Variants in IGF2BP3 observed in about 807,000 individuals in gnomAD.
IGF2BP3 encodes the protein insulin-like growth factor 2 mRNA-binding protein 3.
In IGF2BP3, 9 loss-of-function variants were observed where a neutral mutation model predicts 73.8. The ratio of observed to expected loss-of-function variants is 0.12; its 90% CI spans 0.07 to 0.21. The LOEUF (loss-of-function observed/expected upper bound fraction) is 0.21, where lower values mean the gene tolerates loss of function less well. IGF2BP3 is among the 10% of genes least tolerant of loss of function. IGF2BP3 has a pLI of 1.00. For synonymous variants in IGF2BP3, 258 were observed against 256.7 expected, an observed-to-expected ratio of 1.01 and a Z score of -0.05; for missense variants, 542 against 714.0, an observed-to-expected ratio of 0.76 and a Z score of 2.75.
intron 2 of IGF2BP3, among the ~76,000 whole-genome samples, chr7:23,451,182 C>G (rs1488628947): frequency 1.3e-5 from 2 of 152,162 alleles, no homozygotes; most frequent in Non-Finnish European, 2.9e-5. Context: ...CTTTGGGAGG[C>G]TGAGGTGGGC....
At chr7:23,364,581 T>TGGGG (rs1287578874) in intron 3 of IGF2BP3, among the ~76,000 whole-genome samples, 34 of 81,410 alleles carry the variant, frequency 4.2e-4, no homozygotes, top group African/African-American at 1.6e-3. Flanking sequence ...AGCGGGAGGT[T>TGGGG]GGGGGGTGGG....
intron 3 of IGF2BP3, among the ~76,000 whole-genome samples, chr7:23,388,909 C>G (rs1342707840): frequency 6.6e-6 from 1 of 152,024 alleles, no homozygotes; most frequent in Non-Finnish European, 1.5e-5. Flanking sequence ...AACAGGTAAA[C>G]AAGTAAATAG....
chr7:23,393,953 T>A lies in IGF2BP3; in HGVS notation c.285+24823A>T, dbSNP rs149764396. On this transcript the variant is annotated intron_variant, in intron 3 of 14. Coordinates refer to ENST00000258729, the MANE Select transcript of IGF2BP3 (RefSeq NM_006547.3). ...ATACTTAAGAGGCCAGTCGAGTTAT[T>A]AGGAGGGTACACAAATCCATAATGC... is the stretch of plus-strand genomic sequence containing the variant. 1.8e-3 allele frequency among the ~76,000 whole-genome samples: 281 copies of A among 152,236 alleles called. 3 individuals carry two copies. The highest frequency in any genetic ancestry group is 6.5e-3 in the African/African-American group (268 of 41,530).
chr7:23,366,572 A>C (rs7784146), intron 3 of IGF2BP3, among the ~76,000 whole-genome samples: 8,458 of 151,254 alleles, frequency 0.056, 785 homozygotes, highest in African/African-American at 0.19. Context: ...AAAAAAAAAA[A>C]CCACAAGCAA....
At chr7:23,329,211 T>TG (rs1784382407) in intron 10 of IGF2BP3, among the ~76,000 whole-genome samples, 1 of 146,298 alleles carries the variant, frequency 6.8e-6, no homozygotes, top group Non-Finnish European at 1.5e-5. Flanking sequence ...AGACTCCGTC[T>TG]CAAAAAAAAA....
At chr7:23,447,902 G>A (rs1362964470) in intron 2 of IGF2BP3, among the ~76,000 whole-genome samples, 1 of 152,126 alleles carries the variant, frequency 6.6e-6, no homozygotes, top group Non-Finnish European at 1.5e-5. Flanking sequence ...GATCCCTTGA[G>A]TCCAGGAGTT....
At chr7:23,357,590 AG>A (rs1785126871) in intron 5 of IGF2BP3, among the ~76,000 whole-genome samples, 1 of 152,218 alleles carries the variant, frequency 6.6e-6, no homozygotes, top group Non-Finnish European at 1.5e-5. Context: ...TCTCTGGAAG[AG>A]GGAAGGAAAT....
chr7:23,462,044 T>C (rs1308870903), intron 2 of IGF2BP3, among the ~76,000 whole-genome samples: 3 of 152,182 alleles, frequency 2.0e-5, no homozygotes, highest in African/African-American at 7.2e-5. Context: ...CAATAAGGTA[T>C]CATTTGGAGA....
intron 3 of IGF2BP3, among the ~76,000 whole-genome samples, chr7:23,365,020 G>A (rs1258777577): frequency 6.6e-6 from 1 of 152,086 alleles, no homozygotes; most frequent in African/African-American, 2.4e-5. Context: ...ACAAACATTA[G>A]CCTGCAGTGG....
At chr7:23,467,070 C>G (rs957735929) in intron 2 of IGF2BP3, among the ~76,000 whole-genome samples, 1 of 152,092 alleles carries the variant, frequency 6.6e-6, no homozygotes, top group Non-Finnish European at 1.5e-5. Context: ...TCTTGTTAAA[C>G]CAAGCTCAAT....
chr7:23,315,380 T>C (rs528977931), intron 12 of IGF2BP3, among the ~76,000 whole-genome samples: 50 of 152,306 alleles, frequency 3.3e-4, no homozygotes, highest in African/African-American at 1.1e-3. Flanking sequence ...AGTGCTGGGA[T>C]AGCAAGCGTG....
In IGF2BP3 at chr7:23,458,108, G is replaced by T. The variant is rs76424078; in HGVS notation, c.236+10374C>A. ...ATTGGAATGACTACTGGGTGACGTT[G>T]TATTCATCCTTTACACACATTGTCC... On this transcript the variant is annotated intron_variant, in intron 2 of 14. Transcript: ENST00000258729. Among the ~76,000 whole-genome samples the T allele has an allele frequency of 3.3e-5, 5 of 152,252 alleles. No individual in the cohort carries two copies. In the East Asian group the frequency reaches 9.6e-4, roughly 29 times the overall value.
At chr7:23,403,699 T>C (rs969081250) in intron 3 of IGF2BP3, among the ~76,000 whole-genome samples, 1 of 152,220 alleles carries the variant, frequency 6.6e-6, no homozygotes, top group African/African-American at 2.4e-5. Flanking sequence ...ATTCAGCCAA[T>C]GGTAGCTGCA....
chr7:23,373,026 T>C (rs1027722218), intron 3 of IGF2BP3, among the ~76,000 whole-genome samples: 8 of 152,162 alleles, frequency 5.3e-5, no homozygotes, highest in Admixed American at 6.5e-5. Context: ...CATTTCCCTA[T>C]GCAATTTAAA....
At chr7:23,388,206 G>A (rs1270231072) in intron 3 of IGF2BP3, among the ~76,000 whole-genome samples, 4 of 152,088 alleles carry the variant, frequency 2.6e-5, no homozygotes, top group Non-Finnish European at 5.9e-5. Context: ...CAACGTGCTG[G>A]GATTACAGGC....
chr7:23,463,039 C>A (rs1788486539), intron 2 of IGF2BP3, among the ~76,000 whole-genome samples: 1 of 152,162 alleles, frequency 6.6e-6, no homozygotes, highest in African/African-American at 2.4e-5. Context: ...CACCTCCTGT[C>A]TTATGACTCT....
rs771595771 is a variant in IGF2BP3, at chr7:23,361,684, A to G, written c.337+6T>C. On this transcript the variant is annotated splice_donor_region_variant and intron_variant, in intron 4 of 14. Coordinates refer to ENST00000258729, the MANE Select transcript of IGF2BP3 (RefSeq NM_006547.3). ...CAAATTTGAAAGCAATTCAGAAGACATGTACCTTGCTCACAGCTCTCCACC... is the reference window on the plus strand; with the variant it reads ...CAAATTTGAAAGCAATTCAGAAGACGTGTACCTTGCTCACAGCTCTCCACC... The G allele has an allele frequency of 6.2e-7, 1 of 1,613,970 alleles. No homozygotes were observed. The highest frequency in any genetic ancestry group is 1.1e-5 in the South Asian group (1 of 91,080).
intron 2 of IGF2BP3, among the ~76,000 whole-genome samples, chr7:23,455,708 C>T (rs1788299642): frequency 6.6e-6 from 1 of 151,862 alleles, no homozygotes; most frequent in Admixed American, 6.6e-5. Flanking sequence ...TTTTTGGAGA[C>T]GGAGTCTCCC....
At chr7:23,467,261 C>A (rs1156832124) in intron 2 of IGF2BP3, among the ~76,000 whole-genome samples, 1 of 152,212 alleles carries the variant, frequency 6.6e-6, no homozygotes, top group African/African-American at 2.4e-5. Flanking sequence ...GAGCTGAAAT[C>A]TACACAGGCA....
Sources: gnomAD v4.1 joint callset for allele counts (sites outside exome capture counted in the v4.1 genomes callset) on GRCh38, gnomAD v4.1.1 for gene constraint, MANE v1.5 for transcripts, NCBI Gene and HGNC (gene_info 2026-07-23, HGNC 2026-07-21) for gene names.